Variants in AHCTF1 observed in about 807,000 individuals in gnomAD.
The protein encoded by AHCTF1 is protein ELYS.
A neutral mutation model predicts 248.4 loss-of-function variants in AHCTF1; 24 were observed. The ratio of observed to expected loss-of-function variants is 0.10; its 90% confidence interval spans 0.07 to 0.14. The LOEUF (loss-of-function observed/expected upper bound fraction) is 0.14. Ranked by LOEUF, AHCTF1 falls within the 10% of genes least tolerant of loss-of-function variation. The pLI, the probability that AHCTF1 is intolerant of heterozygous loss-of-function variation, is 1.00. For synonymous variants in AHCTF1, 786 were observed against 929.8 expected (o/e 0.85, Z 2.81); for missense variants, 2,206 against 2,636.2 (o/e 0.84, Z 3.57).
intron 1 of AHCTF1, among the ~76,000 whole-genome samples, chr1:246,926,572 G>T (rs990314863): frequency 2.0e-5 from 3 of 152,182 alleles, no homozygotes; most frequent in Non-Finnish European, 1.5e-5. Context: ...ATTAGAAATA[G>T]GGGCCAGGCG....
At chr1:246,917,007 C>T (rs1398034534) in intron 2 of AHCTF1, among the ~76,000 whole-genome samples, 2 of 152,154 alleles carry the variant, frequency 1.3e-5, no homozygotes, top group Admixed American at 6.5e-5. Flanking sequence ...GCCTATTAGT[C>T]ATGTTTGGAT....
At position 246,853,164 on chromosome 1, in the gene AHCTF1, A is replaced by G; in HGVS notation, c.4490T>C (p.Leu1497Pro). ...TTCTGGTAAGTCAACACTTTCTTTT[A>G]GTACACCAACTTCTACTTCATGATC... ...KEDHEVEVGV[L>P]KESVDLPEEK... The change falls in exon 32 of 36, where the codon CTA becomes CCA. Residue 1497 changes from leucine to proline, a missense_variant. Physicochemically the swap from Leu to Pro is moderately conservative, Grantham distance 98. This residue lies in a region of AHCTF1 where 955 missense variants were observed against 1,055.6 expected (regional missense o/e 0.90). Coordinates refer to ENST00000648844, the MANE Select transcript of AHCTF1 (RefSeq NM_001323342.2). 6.2e-7 allele frequency: 1 copy of G among 1,612,970 alleles called. No homozygotes were observed.
At position 246,860,052 on chromosome 1, in the gene AHCTF1, G is replaced by T. The variant is rs57201275; in HGVS notation, c.4132+847C>A. ...CGAGGCAGGCAGATCACGAGGTCAGGAGTTCGAGACCAGCCTGGCCAATAT... is the reference window on the plus strand; with the variant it reads ...CGAGGCAGGCAGATCACGAGGTCAGTAGTTCGAGACCAGCCTGGCCAATAT... On this transcript the variant is annotated intron_variant, in intron 29 of 35. Coordinates refer to ENST00000648844, the MANE Select transcript of AHCTF1 (RefSeq NM_001323342.2). Among the ~76,000 whole-genome samples the T allele has an allele frequency of 2.5e-4, 38 of 152,216 alleles. No individual in the cohort carries two copies. The East Asian group carries it at 6.6e-3, about 27-fold the overall frequency.
chr1:246,923,767 C>A (rs1044691711), intron 1 of AHCTF1, among the ~76,000 whole-genome samples: 1 of 152,120 alleles, frequency 6.6e-6, no homozygotes, highest in Non-Finnish European at 1.5e-5. Context: ...GCGTAGCACA[C>A]AGGAGCAGGT....
chr1:246,891,467 CAG>C (rs1052183822), intron 15 of AHCTF1, among the ~76,000 whole-genome samples: 4 of 151,366 alleles, frequency 2.6e-5, no homozygotes, highest in Non-Finnish European at 4.4e-5. Flanking sequence ...AATTGCAAAA[CAG>C]AAAAAATTTA....
chr1:246,863,527 C>T (rs1558225171), intron 27 of AHCTF1, among the ~76,000 whole-genome samples: 1 of 152,112 alleles, frequency 6.6e-6, no homozygotes, highest in Non-Finnish European at 1.5e-5. Flanking sequence ...CAAGGAGTAA[C>T]AGTTTTGTCA....
intron 23 of AHCTF1, among the ~76,000 whole-genome samples, chr1:246,876,694 A>G (rs1447499868): frequency 6.6e-6 from 1 of 152,184 alleles, no homozygotes; most frequent in Non-Finnish European, 1.5e-5. Context: ...GCTGGCCTCT[A>G]CATCTTCCTC....
chr1:246,868,611 TAAA>T (rs36102148), intron 24 of AHCTF1, among the ~76,000 whole-genome samples: 15 of 132,616 alleles, frequency 1.1e-4, no homozygotes, highest in Admixed American at 3.0e-4. Flanking sequence ...TGGTAAGTGG[TAAA>T]AAAAAAAAAA....
chr1:246,896,902 A>G (rs1393081167), intron 12 of AHCTF1, among the ~76,000 whole-genome samples: 4 of 152,164 alleles, frequency 2.6e-5, no homozygotes, highest in African/African-American at 9.7e-5. Context: ...AGAAGGCATG[A>G]CTCTAAACGG....
At chr1:246,857,903 G>T (rs1467468562) in intron 29 of AHCTF1, 89 bp from the exon 30 acceptor site, 2 of 1,248,512 alleles carry the variant, frequency 1.6e-6, no homozygotes, top group South Asian at 1.5e-5. Context: ...AAAAGTTGTT[G>T]GGTCTGCTTT....
At position 246,841,017 on chromosome 1, in the gene AHCTF1, A is replaced by C. The variant is rs1659827375; in HGVS notation, c.6609-19T>G. 6.3e-7 allele frequency: 1 copy of C among 1,583,334 alleles called. No individual in the cohort carries two copies. The highest frequency in any genetic ancestry group is 8.6e-7 in the Non-Finnish European group (1 of 1,168,090). ...TGTGTTTCTGAAAAAAAAAGATATG[A>C]TCAAGTAAGAATAAACACATTATGC... On this transcript the variant is annotated intron_variant, in intron 35 of 35. Transcript: ENST00000648844.
In AHCTF1 at chr1:246,852,496, A is replaced by T. The variant is rs570128804; in HGVS notation, c.4563+595T>A. 5.4e-4 allele frequency among the ~76,000 whole-genome samples: 82 copies of T among 152,028 alleles called. No homozygotes were observed. In the South Asian group the frequency reaches 0.01, roughly 19 times the overall value. On this transcript the variant is annotated intron_variant, in intron 32 of 35. Coordinates refer to ENST00000648844, the MANE Select transcript of AHCTF1 (RefSeq NM_001323342.2). The stretch of plus-strand genomic sequence containing the variant: ...TTGGTATAATAGAATTTTTTTTTTA[A>T]AAAAACTAAGTCTTATTAAGTAGCA...
chr1:246,883,136 C>T (rs1293587677), intron 21 of AHCTF1, among the ~76,000 whole-genome samples: 4 of 152,208 alleles, frequency 2.6e-5, no homozygotes, highest in East Asian at 1.9e-4. Context: ...TGAGGCTGTA[C>T]AGCCAGAAGG....
chr1:246,907,854 T>C (rs1665505300), intron 4 of AHCTF1, 96 bp from the exon 5 acceptor site: 1 of 1,005,198 alleles, frequency 9.9e-7, no homozygotes, highest in South Asian at 1.7e-5. Context: ...TGAAGTCAAC[T>C]GAGTTAAATG....
chr1:246,930,015 G>A (rs1667228623), intron 1 of AHCTF1, among the ~76,000 whole-genome samples: 1 of 150,040 alleles, frequency 6.7e-6, no homozygotes, highest in South Asian at 2.1e-4. Flanking sequence ...TTGTGCCACT[G>A]CACTCCAGCC....
Position 246,901,845 on chromosome 1 carries a change from T to C in AHCTF1, c.1117+680A>G, listed in dbSNP as rs145980470. Among the ~76,000 whole-genome samples, 875 of 152,124 alleles carry C rather than the reference T, an allele frequency of 5.8e-3. 9 individuals are homozygous for C. The highest frequency in any genetic ancestry group is 0.017 in the Middle Eastern group (5 of 294). On this transcript the variant is annotated intron_variant, in intron 8 of 35. Transcript: ENST00000648844. ...CCCTGTCTCTAAATAAATAAACAAA[T>C]AAAAACTTTAAAAAGACGTGAGCTC...
intron 21 of AHCTF1, among the ~76,000 whole-genome samples, chr1:246,880,217 T>A (rs985491927): frequency 8.6e-5 from 13 of 150,770 alleles, no homozygotes; most frequent in Non-Finnish European, 8.8e-5. Flanking sequence ...AAACAATATG[T>A]TATTTGTTAT....
Position 246,843,875 on chromosome 1 carries a change from A to G in AHCTF1, c.6445T>C (p.Ser2149Pro). 1.3e-6 allele frequency: 2 copies of G among 1,507,670 alleles called. No individual in the cohort carries two copies. The highest frequency in any genetic ancestry group is 2.9e-5 in the South Asian group (2 of 69,556). The allele number at this position is 1,507,670 out of a possible 1,614,324, so 93.4% of individuals were successfully genotyped here. ...QLKELVSDLSSQFVISPPALR... is the reference protein window; with the variant it reads ...QLKELVSDLSPQFVISPPALR... Reference sequence around the variant, plus strand: ...GCAGGAGGTGAGATGACAAACTGAGAAGATAAATCCGAAACTAATTCTTTC... The same window carrying G: ...GCAGGAGGTGAGATGACAAACTGAGGAGATAAATCCGAAACTAATTCTTTC... Residue 2149 changes from serine to proline, a missense_variant, in exon 34 of 36, where the codon TCT becomes CCT. By Grantham distance (74) the Ser-to-Pro change is moderately conservative. Transcript: ENST00000648844.
intron 3 of AHCTF1, 39 bp downstream of exon 3, chr1:246,916,103 T>A: frequency 6.3e-7 from 1 of 1,587,342 alleles, no homozygotes; most frequent in Non-Finnish European, 8.6e-7. Flanking sequence ...GGGTTCAGTT[T>A]TGAAAGAGAA....
Sources: allele counts gnomAD v4.1 joint callset (sites outside exome capture counted in the v4.1 genomes callset), GRCh38; gene constraint gnomAD v4.1.1; regional missense constraint gnomAD v4.1.1; transcripts MANE v1.5; gene names NCBI Gene and HGNC (gene_info 2026-07-23, HGNC 2026-07-21).